Variants in MGA observed in about 807,000 individuals in gnomAD.
The protein encoded by MGA is MAX gene-associated protein.
In MGA, 40 loss-of-function variants were observed where a neutral mutation model predicts 261.1. The observed-to-expected ratio is 0.15, with a 90% CI of 0.12 to 0.20. MGA has a LOEUF of 0.20. Among genes scored for constraint, MGA ranks in the 10% least tolerant of loss-of-function variants. The pLI, the probability that MGA is intolerant of heterozygous loss-of-function variation, is 1.00. For missense variants in MGA, 3,397 were observed against 3,630.5 expected, an observed-to-expected ratio of 0.94 and a Z score of 1.65; for synonymous variants, 1,302 against 1,290.6, an observed-to-expected ratio of 1.01 and a Z score of -0.19.
At chr15:41,702,047 C>T (rs923385250) in intron 5 of MGA, among the ~76,000 whole-genome samples, 3 of 152,006 alleles carry the variant, frequency 2.0e-5, no homozygotes, top group African/African-American at 4.8e-5. Context: ...GGGCCAGGCT[C>T]GGTGGCTCAA....
chr15:41,704,530 C>T (rs751405441), intron 5 of MGA, among the ~76,000 whole-genome samples: 2 of 152,136 alleles, frequency 1.3e-5, no homozygotes, highest in East Asian at 1.9e-4. Context: ...TGGTGGTGGG[C>T]ACCTGTAGTC....
Position 41,696,335 on chromosome 15 carries a change from C to T in MGA, c.1325C>T (p.Ser442Phe). The T allele has an allele frequency of 6.2e-7, 1 of 1,613,934 alleles. No individual in the cohort carries two copies. Among genetic ancestry groups the T allele is most frequent in the Non-Finnish European group, 8.5e-7 (1 of 1,179,886 alleles). Reference sequence around the variant, plus strand: ...GACAACCCAGAAGCTGACCATCTATCTTCTAAATGGCTTCCAAGCAGCCCA... The same window carrying T: ...GACAACCCAGAAGCTGACCATCTATTTTCTAAATGGCTTCCAAGCAGCCCA... Residue 442 changes from serine to phenylalanine, a missense_variant, in exon 3 of 24, where the codon TCT becomes TTT. Ser to Phe is a radical substitution (Grantham distance 155). This residue lies in a region of MGA where 563 missense variants were observed against 563.6 expected (regional missense o/e 1.00). Coordinates refer to ENST00000219905, the MANE Select transcript of MGA (RefSeq NM_001164273.2).
At position 41,696,216 on chromosome 15, in the gene MGA, G is replaced by T. The variant is rs898007985; in HGVS notation, c.1206G>T (p.Val402=). ...GTGAGTGCCCAGAAGGGGTCACTGT[G>T]AAACAGGAAGAGACAGATGAAGAGA... is the stretch of plus-strand genomic sequence containing the variant. The change falls in exon 3 of 24, where the codon GTG becomes GTT. Residue 402 remains valine (V), a synonymous_variant. Transcript: ENST00000219905. 1 of 1,613,842 alleles carries T rather than the reference G, an allele frequency of 6.2e-7. No individual in the cohort carries two copies. Among genetic ancestry groups the T allele is most frequent in the African/African-American group, 1.3e-5 (1 of 74,918 alleles).
rs200979081 is a variant in MGA, at chr15:41,651,509, CCTTT to C, written c.-67-17314_-67-17311del. Among the ~76,000 whole-genome samples the C allele has an allele frequency of 4.1e-3, 621 of 151,998 alleles. 16 individuals carry two copies. Among genetic ancestry groups the C allele is most frequent in the Admixed American group, 0.028 (428 of 15,248 alleles). On this transcript the variant is annotated intron_variant, in intron 1 of 8. Transcript: ENST00000566718. ...TCCTCTTCTTCGTAAAGAAAAGTCC[CCTTT>C]CTTTTTTTTCTTCCCTTTCCCCTTC... is the stretch of plus-strand genomic sequence containing the variant.
chr15:41,703,379 C>CA (rs1555419048), intron 5 of MGA, among the ~76,000 whole-genome samples: 13 of 140,378 alleles, frequency 9.3e-5, no homozygotes, highest in African/African-American at 2.6e-4. Flanking sequence ...CCCCCCCCCC[C>CA]ACTCCCCACC....
At chr15:41,705,995 T>G (rs950125514) in intron 5 of MGA, among the ~76,000 whole-genome samples, 2 of 152,082 alleles carry the variant, frequency 1.3e-5, no homozygotes, top group Non-Finnish European at 2.9e-5. Context: ...TCCCAGCACT[T>G]TGGGAGGCCG....
chr15:41,641,229 C>T (rs2056813450), intron 1 of MGA, among the ~76,000 whole-genome samples: 1 of 152,120 alleles, frequency 6.6e-6, no homozygotes, highest in African/African-American at 2.4e-5. Context: ...TTTATCCATT[C>T]TTCAGTTGAT....
In MGA at chr15:41,768,005, A is replaced by G. The variant is rs1596045493; in HGVS notation, c.*725A>G. The G allele has an allele frequency of 6.6e-6, 1 of 152,534 alleles. No individual in the cohort carries two copies. The highest frequency in any genetic ancestry group is 6.5e-5 in the Admixed American group (1 of 15,276). 9.4% of individuals were successfully genotyped at this position (152,534 alleles called of 1,614,324 possible). ...GTGGGCATTGAAAAGCTCATTTCAC[A>G]GTACCAGAGATTTTTACTGGGAGTA... On this transcript the variant is annotated 3_prime_UTR_variant, in exon 24 of 24. Transcript: ENST00000219905.
At chr15:41,741,773 A>G (rs2062117830) in intron 14 of MGA, among the ~76,000 whole-genome samples, 1 of 152,044 alleles carries the variant, frequency 6.6e-6, no homozygotes, top group Non-Finnish European at 1.5e-5. Flanking sequence ...GTGCAGTGGC[A>G]CTATCTCATT....
At chr15:41,744,120 A>G (rs2062286758) in intron 15 of MGA, among the ~76,000 whole-genome samples, 1 of 152,182 alleles carries the variant, frequency 6.6e-6, no homozygotes. Context: ...CTTTTATGGA[A>G]GAACAGATTG....
rs2063948701 is a variant in MGA, at chr15:41,769,401, A to G, written c.*2121A>G. ...TGATGAGAGTTGTACGAAGATGGAA[A>G]TGAGGGATGATTCCAGGCGTTTTAG... On this transcript the variant is annotated 3_prime_UTR_variant, in exon 24 of 24. Coordinates refer to ENST00000219905, the MANE Select transcript of MGA (RefSeq NM_001164273.2). The G allele has an allele frequency of 6.6e-6, 1 of 151,632 alleles. No individual in the cohort carries two copies. The highest frequency in any genetic ancestry group is 1.5e-5 in the Non-Finnish European group (1 of 67,972). 9.4% of individuals were successfully genotyped at this position (151,632 alleles called of 1,614,324 possible).
intron 9 of MGA, among the ~76,000 whole-genome samples, chr15:41,724,637 G>A (rs1395956720): frequency 1.3e-5 from 2 of 152,150 alleles, no homozygotes; most frequent in Non-Finnish European, 2.9e-5. Context: ...GAGAGCCATG[G>A]TGGTGCCAGT....
chr15:41,727,071 T>C, intron 9 of MGA, 109 bp from the exon 10 acceptor site: 1 of 759,058 alleles, frequency 1.3e-6, no homozygotes, highest in South Asian at 2.0e-5. Flanking sequence ...TTGATTATTT[T>C]AACGAGTTAC....
intron 9 of MGA, among the ~76,000 whole-genome samples, chr15:41,718,828 T>G (rs1428416602): frequency 6.6e-6 from 1 of 152,208 alleles, no homozygotes; most frequent in African/African-American, 2.4e-5. Flanking sequence ...AAAGACTTAT[T>G]GTTCTCTCCC....
intron 2 of MGA, among the ~76,000 whole-genome samples, chr15:41,693,655 T>C (rs2151266481): frequency 6.6e-6 from 1 of 152,270 alleles, no homozygotes; most frequent in African/African-American, 2.4e-5. Context: ...GAGACACTAA[T>C]GTAATATTTT....
intron 12 of MGA, among the ~76,000 whole-genome samples, chr15:41,735,373 A>G (rs189902414): frequency 2.6e-4 from 39 of 152,342 alleles, no homozygotes; most frequent in Admixed American, 3.9e-4. Context: ...AAATGGAGCA[A>G]TCATATCTAG....
chr15:41,628,975 T>TA (rs1322484577), intron 1 of MGA, among the ~76,000 whole-genome samples: 1 of 151,706 alleles, frequency 6.6e-6, no homozygotes, highest in Non-Finnish European at 1.5e-5. Flanking sequence ...CTGTCTCTAC[T>TA]AAAAAATACA....
At chr15:41,658,231 G>T (rs1330402992), upstream of MGA, among the ~76,000 whole-genome samples, 1 of 152,144 alleles carries the variant, frequency 6.6e-6, no homozygotes. Flanking sequence ...TTTTGTGTTA[G>T]GCTGGACCAA....
intron 5 of MGA, among the ~76,000 whole-genome samples, chr15:41,706,415 C>A (rs993430142): frequency 6.6e-6 from 1 of 151,340 alleles, no homozygotes; most frequent in South Asian, 2.1e-4. Flanking sequence ...GCCTGGCTTG[C>A]CATCTTTTGT....
Sources: allele counts gnomAD v4.1 joint callset (sites outside exome capture counted in the v4.1 genomes callset), GRCh38; gene constraint gnomAD v4.1.1; regional missense constraint gnomAD v4.1.1; transcripts MANE v1.5; gene names NCBI Gene and HGNC (gene_info 2026-07-23, HGNC 2026-07-21).